Variants in CAMK2B observed in about 807,000 individuals in gnomAD.
CAMK2B encodes the protein calcium/calmodulin dependent protein kinase II beta, also known as calcium/calmodulin-dependent protein kinase type II subunit beta.
Under a neutral mutation model 93.7 loss-of-function variants are expected in CAMK2B, and 27 were observed. The observed-to-expected ratio is 0.29, with a 90% CI of 0.21 to 0.40. The LOEUF (loss-of-function observed/expected upper bound fraction) is 0.40. Among genes scored for constraint, CAMK2B ranks in the 10% least tolerant of loss-of-function variants. The probability of loss-of-function intolerance (pLI) is 1.00; values close to 1 mark genes in which losing one functional copy is unlikely to be tolerated. For missense variants in CAMK2B, 568 were observed against 895.8 expected (o/e 0.63, Z 4.67); for synonymous variants, 374 against 358.8 (o/e 1.04, Z -0.48).
At chr7:44,245,025 G>A (rs1271826151) in intron 6 of CAMK2B, 1 of 454,920 alleles carries the variant, frequency 2.2e-6, no homozygotes, top group Admixed American at 2.4e-5. Flanking sequence ...GCTACATGGA[G>A]AAGTTGGACA....
Position 44,234,481 on chromosome 7 carries a change from G to A in CAMK2B, c.1060-20C>T. 1 of 1,573,158 alleles carries A rather than the reference G, an allele frequency of 6.4e-7. No individual in the cohort carries two copies. The highest frequency in any genetic ancestry group is 8.6e-7 in the Non-Finnish European group (1 of 1,160,860). ...CTGGGGCTGTGGAGAGAGGGAAGAG[G>A]AACTCTTAGGTGGGAGAAGCCCCTC... On this transcript the variant is annotated intron_variant, in intron 14 of 23. Coordinates refer to ENST00000395749, the MANE Select transcript of CAMK2B (RefSeq NM_001220.5).
chr7:44,302,237 T>G (rs1276062118), intron 1 of CAMK2B, among the ~76,000 whole-genome samples: 1 of 152,214 alleles, frequency 6.6e-6, no homozygotes, highest in African/African-American at 2.4e-5. Context: ...GGACTGTATC[T>G]CTAAAAGAAA....
At chr7:44,322,299 G>A (rs1351207832) in intron 1 of CAMK2B, among the ~76,000 whole-genome samples, 1 of 152,208 alleles carries the variant, frequency 6.6e-6, no homozygotes, top group Admixed American at 6.5e-5. Context: ...ATATCCATGT[G>A]TAAATGTACC....
chr7:44,285,764 G>A lies in CAMK2B; in HGVS notation c.66-1539C>T, dbSNP rs34310058. 2.0e-5 allele frequency among the ~76,000 whole-genome samples: 3 copies of A among 147,528 alleles called. No homozygotes were observed. In the South Asian group the frequency reaches 6.5e-4, roughly 32 times the overall value. On this transcript the variant is annotated intron_variant, in intron 1 of 23. Transcript: ENST00000395749. Reference sequence around the variant, plus strand: ...AAGTCAACCAGTGAACAGGGACAGGGGCTGCCTCAGGAGATGTGGGGGGAG... The same window carrying A: ...AAGTCAACCAGTGAACAGGGACAGGAGCTGCCTCAGGAGATGTGGGGGGAG...
intron 2 of CAMK2B, among the ~76,000 whole-genome samples, chr7:44,279,552 T>C (rs909059397): frequency 9.2e-5 from 14 of 152,170 alleles, no homozygotes; most frequent in Non-Finnish European, 1.5e-4. Context: ...TGGCTACCCC[T>C]TCCTCCCACC....
At chr7:44,262,576 G>T (rs576698831) in intron 3 of CAMK2B, among the ~76,000 whole-genome samples, 68 of 152,338 alleles carry the variant, frequency 4.5e-4, no homozygotes, top group African/African-American at 1.6e-3. Flanking sequence ...GAATGTTGGG[G>T]CCCCTGTGTG....
intron 2 of CAMK2B, chr7:44,268,663 C>A (rs1233499221): frequency 3.3e-5 from 5 of 152,538 alleles, no homozygotes; most frequent in African/African-American, 9.6e-5. Flanking sequence ...ATCCACAGGA[C>A]CCCCGAAGCC....
At chr7:44,307,319 T>C (rs1485773499) in intron 1 of CAMK2B, among the ~76,000 whole-genome samples, 1 of 83,690 alleles carries the variant, frequency 1.2e-5, no homozygotes, top group Non-Finnish European at 2.2e-5. Context: ...CGGAGGAGGG[T>C]GTGAGAAGGG....
rs1785059468 is a variant in CAMK2B at position 44,286,254 on chromosome 7, A to C, written c.66-2029T>G. ...CTGAGCTACCATCTGTCACGCTCTG[A>C]CCCCTAGAGGGCTCAGCGGCCACAG... On this transcript the variant is annotated intron_variant, in intron 1 of 23. Transcript: ENST00000395749. This position sits in a 1 kb window ranked among gnomAD's most constrained non-coding sequence, Gnocchi z 4.0. Among the ~76,000 whole-genome samples the C allele has an allele frequency of 6.6e-6, 1 of 151,772 alleles. No individual in the cohort carries two copies. Among genetic ancestry groups the C allele is most frequent in the African/African-American group, 2.4e-5 (1 of 41,302 alleles).
In CAMK2B at chr7:44,234,423, G is replaced by A; in HGVS notation, c.1098C>T (p.Thr366=). 1 of 1,545,276 alleles carries A rather than the reference G, an allele frequency of 6.5e-7. No homozygotes were observed. Among genetic ancestry groups the A allele is most frequent in the Non-Finnish European group, 8.7e-7 (1 of 1,149,660 alleles). ...CAGGAGGAAGCGTCCCTTTGGGGCT[G>A]GTGGCGGCTGCACTGTTTTTGGTGC... ...TNSTKNSAAA[T]SPKGTLPPAA... The change falls in exon 15 of 24, where the codon ACC becomes ACT. Residue 366 remains threonine, a synonymous_variant. Transcript: ENST00000395749.
chr7:44,228,677 G>C (rs1457362769), intron 19 of CAMK2B, 119 bp downstream of exon 19: 76 of 979,754 alleles, frequency 7.8e-5, no homozygotes, highest in Non-Finnish European at 1.1e-4. Flanking sequence ...AGGACTCCAG[G>C]CTGCGGCGCC....
chr7:44,295,863 A>G (rs1002538302), intron 1 of CAMK2B, among the ~76,000 whole-genome samples: 2 of 152,194 alleles, frequency 1.3e-5, no homozygotes, highest in Non-Finnish European at 1.5e-5. Context: ...TATGTAGTAC[A>G]TAAGCGGATG....
chr7:44,246,813 G>A (rs987376404), intron 6 of CAMK2B, among the ~76,000 whole-genome samples: 1 of 151,934 alleles, frequency 6.6e-6, no homozygotes, highest in African/African-American at 2.4e-5. Flanking sequence ...GTATGCACAT[G>A]CACACACATA....
intron 5 of CAMK2B, among the ~76,000 whole-genome samples, chr7:44,252,127 G>A (rs1481442607): frequency 5.9e-5 from 9 of 152,162 alleles, no homozygotes; most frequent in African/African-American, 1.9e-4. Flanking sequence ...GGCCGCGCCT[G>A]TGGATTGGGC....
chr7:44,232,155 G>C (rs781762271), intron 16 of CAMK2B, among the ~76,000 whole-genome samples: 3 of 151,998 alleles, frequency 2.0e-5, no homozygotes, highest in Non-Finnish European at 4.4e-5. Flanking sequence ...GATGGGCTGG[G>C]TGGTGGCACT....
In CAMK2B at chr7:44,226,516, A is replaced by G. The variant is rs750734346; in HGVS notation, c.1597T>C (p.Ser533Pro). The G allele has an allele frequency of 7.7e-6, 11 of 1,432,402 alleles. No individual in the cohort carries two copies. The highest frequency in any genetic ancestry group is 2.8e-5 in the East Asian group (1 of 36,190). The allele number at this position is 1,432,402 out of a possible 1,614,324, so 88.7% of individuals were successfully genotyped here. The change falls in exon 20 of 24, where the codon TCC becomes CCC. Residue 533 changes from serine to proline, a missense_variant and splice_region_variant. This residue lies in a region of CAMK2B where 308 missense variants were observed against 292.1 expected (regional missense o/e 1.05). Coordinates refer to ENST00000395749, the MANE Select transcript of CAMK2B (RefSeq NM_001220.5). ...CACGGCCACTCAAGGTGCTACTTACATGGGGTGGGCAGGGGGCCAGGGATA... is the reference window on the plus strand; with the variant it reads ...CACGGCCACTCAAGGTGCTACTTACGTGGGGTGGGCAGGGGGCCAGGGATA... ...PTIPGPLPTP[S>P]RKQEIIKTTE...
In CAMK2B at chr7:44,221,778, C is replaced by T. The variant is rs544020986; in HGVS notation, c.1598-877G>A. On this transcript the variant is annotated intron_variant, in intron 20 of 23. Coordinates refer to ENST00000395749, the MANE Select transcript of CAMK2B (RefSeq NM_001220.5). ...TGCTGGTCCTCACTGGCCTCCGGGG[C>T]GCTCACTGGCAGCCTGCATTGCTGC... 1.0e-3 allele frequency among the ~76,000 whole-genome samples: 152 copies of T among 152,336 alleles called. 1 individual carries two copies. The highest frequency in any genetic ancestry group is 3.2e-3 in the African/African-American group (135 of 41,576).
chr7:44,234,759 C>T, intron 13 of CAMK2B, 83 bp from the exon 14 acceptor site: 2 of 1,435,934 alleles, frequency 1.4e-6, no homozygotes, highest in South Asian at 1.2e-5. Flanking sequence ...TGCCTGACCC[C>T]ACTCTTTCCC....
intron 2 of CAMK2B, chr7:44,267,163 T>TCAAGAGGG (rs1172338099): frequency 3.3e-5 from 5 of 152,212 alleles, no homozygotes; most frequent in African/African-American, 1.2e-4. Context: ...CCTCACCCCA[T>TCAAGAGGG]CAAGAGGAGA....
Sources: allele counts gnomAD v4.1 joint callset (sites outside exome capture counted in the v4.1 genomes callset), GRCh38; gene constraint gnomAD v4.1.1; regional missense constraint gnomAD v4.1.1; non-coding constraint Gnocchi (gnomAD v3.1); transcripts MANE v1.5; gene names NCBI Gene and HGNC (gene_info 2026-07-23, HGNC 2026-07-21).